PTGS1: variants seen among roughly 807,000 people sequenced by gnomAD.
The protein encoded by PTGS1 is prostaglandin G/H synthase 1.
PTGS1 carries 40 observed loss-of-function variants against 63.0 expected under a neutral mutation model. That is an observed-to-expected ratio of 0.63 (90% CI 0.49 to 0.83). The LOEUF is 0.83. Ranked by LOEUF, PTGS1 falls within the 40% of genes least tolerant of loss-of-function variation. The pLI is 0.00. For synonymous variants in PTGS1, 298 were observed against 301.9 expected (o/e 0.99, Z 0.13); for missense variants, 709 against 786.5 (o/e 0.90, Z 1.18).
intron 9 of PTGS1, among the ~76,000 whole-genome samples, chr9:122,389,920 C>G (rs570007339): frequency 5.3e-5 from 8 of 152,088 alleles, no homozygotes; most frequent in Admixed American, 3.3e-4. Flanking sequence ...CAAGATCATG[C>G]CACTGCACTC....
chr9:122,389,560 C>G, intron 9 of PTGS1, among the ~76,000 whole-genome samples: 1 of 152,142 alleles, frequency 6.6e-6, no homozygotes. Flanking sequence ...TCTATTTTCC[C>G]TCCCTTCACA....
intron 5 of PTGS1, among the ~76,000 whole-genome samples, chr9:122,379,701 T>G (rs1024647690): frequency 2.6e-5 from 4 of 152,234 alleles, no homozygotes; most frequent in African/African-American, 9.6e-5. Context: ...TCTTGCCAAC[T>G]TTGCTGAAAT....
At chr9:122,391,372 C>T (rs201893796) in intron 10 of PTGS1, among the ~76,000 whole-genome samples, 3,214 of 84,582 alleles carry the variant, frequency 0.038, 65 homozygotes, top group Middle Eastern at 0.087. Flanking sequence ...TATATATATA[C>T]ATATATATAT....
chr9:122,379,473 G>A (rs367784631), intron 5 of PTGS1, among the ~76,000 whole-genome samples: 3 of 152,334 alleles, frequency 2.0e-5, no homozygotes, highest in East Asian at 1.9e-4. Flanking sequence ...GAGAGGACAA[G>A]AGAGGCTCAT....
chr9:122,392,146 C>A, intron 10 of PTGS1, 43 bp from the exon 11 acceptor site: 1 of 1,517,900 alleles, frequency 6.6e-7, no homozygotes, highest in Non-Finnish European at 8.9e-7. Flanking sequence ...ACCTTAATGG[C>A]ATCATGGATC....
Position 122,393,569 on chromosome 9 carries a change from A to G in PTGS1, c.*1025A>G, listed in dbSNP as rs1838410229. The stretch of plus-strand genomic sequence containing the variant: ...TATAACATTCAGTTCCCACCATCTG[A>G]TTAAAACAACTTCCTCCCTTACAGA... On this transcript the variant is annotated 3_prime_UTR_variant, in exon 11 of 11. Transcript: ENST00000362012. The G allele has an allele frequency of 6.6e-6, 1 of 152,244 alleles. No individual in the cohort carries two copies. Among genetic ancestry groups the G allele is most frequent in the South Asian group, 2.1e-4 (1 of 4,824 alleles). 9.4% of individuals were successfully genotyped at this position (152,244 alleles called of 1,614,324 possible). A position where few individuals can be genotyped will look rare whatever the true frequency, so the allele number is the denominator to read the frequency against.
chr9:122,384,678 T>G (rs1271242663), intron 8 of PTGS1, among the ~76,000 whole-genome samples: 1 of 152,124 alleles, frequency 6.6e-6, no homozygotes. Context: ...CCAGGGACAC[T>G]CAGCAGATGG....
At chr9:122,378,377 GCTA>G in intron 3 of PTGS1, 53 bp from the exon 4 acceptor site, 1 of 1,606,414 alleles carries the variant, frequency 6.2e-7, no homozygotes, top group Non-Finnish European at 8.5e-7. Flanking sequence ...TTCCACCCTG[GCTA>G]CTTCTGGTTC....
intron 2 of PTGS1, chr9:122,371,634 G>A (rs574359904): frequency 2.8e-6 from 4 of 1,430,188 alleles, no homozygotes; most frequent in Non-Finnish European, 2.7e-6. Context: ...GGAGGAAGCC[G>A]CAGGCACCAA....
intron 2 of PTGS1, among the ~76,000 whole-genome samples, chr9:122,376,149 G>T (rs995421442): frequency 6.6e-6 from 1 of 152,134 alleles, no homozygotes; most frequent in Non-Finnish European, 1.5e-5. Context: ...TGGGGGAGGC[G>T]GGGGCTGGGG....
At chr9:122,371,366 C>T in intron 2 of PTGS1, 94 bp downstream of exon 2, 1 of 1,566,126 alleles carries the variant, frequency 6.4e-7, no homozygotes, top group Non-Finnish European at 8.6e-7. Context: ...GGCCCAGCTT[C>T]CCCTTTCTGC....
intron 5 of PTGS1, among the ~76,000 whole-genome samples, chr9:122,380,198 A>C (rs1248656916): frequency 3.3e-5 from 5 of 152,032 alleles, no homozygotes; most frequent in Non-Finnish European, 7.4e-5. Context: ...GTGTGGTGGC[A>C]CACGTCTGTA....
chr9:122,379,853 A>G lies in PTGS1; in HGVS notation c.496+935A>G, dbSNP rs544708289. Reference sequence around the variant, plus strand: ...GGAACCCAGTCAGCCATCTTAATCCAAGTAATTTCCATTGATCTTGAACCT... The same window carrying G: ...GGAACCCAGTCAGCCATCTTAATCCGAGTAATTTCCATTGATCTTGAACCT... On this transcript the variant is annotated intron_variant, in intron 5 of 10. Coordinates refer to ENST00000362012, the MANE Select transcript of PTGS1 (RefSeq NM_000962.4). 2.0e-5 allele frequency among the ~76,000 whole-genome samples: 3 copies of G among 152,312 alleles called. No individual in the cohort carries two copies. In the South Asian group the frequency reaches 6.2e-4, roughly 32 times the overall value.
At chr9:122,378,659 G>A in intron 4 of PTGS1, 86 bp downstream of exon 4, 1 of 1,605,900 alleles carries the variant, frequency 6.2e-7, no homozygotes, top group Non-Finnish European at 8.5e-7. Context: ...TAAGGGTAGT[G>A]GGTGGGGAGA....
At chr9:122,371,678 G>C in intron 2 of PTGS1, 1 of 1,465,756 alleles carries the variant, frequency 6.8e-7, no homozygotes, top group South Asian at 1.4e-5. Context: ...GCCTCTAACC[G>C]TCTGGGAACC....
Position 122,386,485 on chromosome 9 carries a change from A to G in PTGS1, c.1049A>G (p.Gln350Arg). 6.2e-7 allele frequency: 1 copy of G among 1,614,238 alleles called. No homozygotes were observed. Among genetic ancestry groups the G allele is most frequent in the Non-Finnish European group, 8.5e-7 (1 of 1,180,048 alleles). Residue 350 changes from glutamine (Q) to arginine (R), a missense_variant, in exon 9 of 11, where the codon CAG becomes CGG. Gln to Arg is a conservative substitution (Grantham distance 43). Coordinates refer to ENST00000362012, the MANE Select transcript of PTGS1 (RefSeq NM_000962.4). ...ATTGTCATCGAGGAGTACGTGCAGC[A>G]GCTGAGTGGCTATTTCCTGCAGCTG... The part of the protein sequence containing the change: ...IKIVIEEYVQ[Q>R]LSGYFLQLKF...
chr9:122,379,436 A>G (rs535164669), intron 5 of PTGS1, among the ~76,000 whole-genome samples: 2 of 152,308 alleles, frequency 1.3e-5, no homozygotes, highest in East Asian at 1.9e-4. Flanking sequence ...TATTCATTTC[A>G]GACCCATCAG....
chr9:122,375,262 TC>T, intron 2 of PTGS1: 3 of 984,490 alleles, frequency 3.0e-6, no homozygotes, highest in Non-Finnish European at 3.6e-6. Flanking sequence ...GAGCCTCAGC[TC>T]CCGCACAGCC....
chr9:122,371,059 G>C lies in PTGS1; in HGVS notation c.-26G>C. ...GCGCACGCACAGGAGCCTGCACTCT[G>C]CGTCCCGCACCCCAGCAGCCGCGCC... On this transcript the variant is annotated 5_prime_UTR_variant, in exon 1 of 11. Transcript: ENST00000362012. The C allele has an allele frequency of 1.3e-6, 2 of 1,587,946 alleles. No individual in the cohort carries two copies. The highest frequency in any genetic ancestry group is 3.7e-4 in the Middle Eastern group (2 of 5,444).
Sources: gnomAD v4.1 joint callset for allele counts (sites outside exome capture counted in the v4.1 genomes callset) on GRCh38, gnomAD v4.1.1 for gene constraint, MANE v1.5 for transcripts, NCBI Gene and HGNC (gene_info 2026-07-23, HGNC 2026-07-21) for gene names.